NARF: variants seen among roughly 807,000 people sequenced by gnomAD.
NARF encodes nuclear prelamin A recognition factor.
A neutral mutation model predicts 48.0 loss-of-function variants in NARF; 41 were observed. That is an observed-to-expected ratio of 0.85 (90% CI 0.66 to 1.11). NARF has a LOEUF of 1.11. NARF is among the 50% of genes least tolerant of loss of function. NARF has a pLI of 0.00. For missense variants in NARF, 613 were observed against 590.2 expected (o/e 1.04, Z -0.40); for synonymous variants, 215 against 225.5 (o/e 0.95, Z 0.42).
chr17:82,465,582 A>T (rs555160537), intron 3 of NARF, among the ~76,000 whole-genome samples: 1 of 151,772 alleles, frequency 6.6e-6, no homozygotes, highest in South Asian at 2.1e-4. Flanking sequence ...AGATCACAAT[A>T]TTTTTCTTTG....
At chr17:82,459,123 A>G in intron 1 of NARF, 1 of 1,174,796 alleles carries the variant, frequency 8.5e-7, no homozygotes, top group Non-Finnish European at 1.1e-6. Flanking sequence ...CCACAGTCCG[A>G]GTAAACAGCG....
chr17:82,478,693 G>A (rs948710794), intron 5 of NARF, 107 bp from the exon 6 acceptor site: 11 of 1,154,174 alleles, frequency 9.5e-6, no homozygotes, highest in African/African-American at 7.6e-5. Context: ...AAGGTGTTCT[G>A]GCTTCACCCT....
chr17:82,459,118 G>C, intron 1 of NARF: 2 of 1,178,784 alleles, frequency 1.7e-6, no homozygotes, highest in Non-Finnish European at 2.1e-6. Flanking sequence ...GCGCACCACA[G>C]TCCGAGTAAA....
chr17:82,476,827 T>G (rs1207045740), intron 5 of NARF: 3 of 152,066 alleles, frequency 2.0e-5, no homozygotes, highest in African/African-American at 7.3e-5. Flanking sequence ...ACCTCCCAGG[T>G]TCAAGCCATT....
At chr17:82,487,487 A>AG (rs2044121520) in intron 10 of NARF, among the ~76,000 whole-genome samples, 1 of 149,064 alleles carries the variant, frequency 6.7e-6, no homozygotes. Context: ...CTGTCTCGAA[A>AG]AAAAAAAAAA....
chr17:82,463,581 C>T (rs935453983), intron 2 of NARF: 1 of 152,528 alleles, frequency 6.6e-6, no homozygotes, highest in African/African-American at 2.4e-5. Context: ...GTGTGGAGAC[C>T]AAGGGGGCTG....
At position 82,467,629 on chromosome 17, in the gene NARF, C is replaced by T. The variant is rs1164971279; in HGVS notation, c.253-1135C>T. 3.9e-5 allele frequency among the ~76,000 whole-genome samples: 6 copies of T among 152,196 alleles called. No individual in the cohort carries two copies. In the East Asian group the frequency reaches 9.7e-4, roughly 25 times the overall value. Reference sequence around the variant, plus strand: ...AAGCGATTCTTCTGCCTCAGCCTCCCGAGTAGCTGGGATTACAGGCACATG... The same window carrying T: ...AAGCGATTCTTCTGCCTCAGCCTCCTGAGTAGCTGGGATTACAGGCACATG... On this transcript the variant is annotated intron_variant, in intron 3 of 10. Transcript: ENST00000309794.
chr17:82,486,340 C>CGG (rs144086012), intron 10 of NARF, among the ~76,000 whole-genome samples: 3 of 151,472 alleles, frequency 2.0e-5, no homozygotes, highest in African/African-American at 7.3e-5. Flanking sequence ...CATTGTGAGT[C>CGG]GGGGGGGGCA....
At chr17:82,485,032 C>A in intron 9 of NARF, 82 bp downstream of exon 9, 1 of 1,445,918 alleles carries the variant, frequency 6.9e-7, no homozygotes, top group Non-Finnish European at 9.2e-7. Flanking sequence ...GTGCATGTGG[C>A]GGTTCTATGG....
In NARF at chr17:82,487,909, C is replaced by T. The variant is rs1464288199; in HGVS notation, c.1130-7C>T. ...CCAGGATAAACTTACCTGTGTTTAT[C>T]TTTCAGGATGCTTAAATGGCAGAGG... On this transcript the variant is annotated splice_polypyrimidine_tract_variant and splice_region_variant and intron_variant, in intron 10 of 10. Transcript: ENST00000309794. 3.1e-6 allele frequency: 5 copies of T among 1,614,054 alleles called. No individual in the cohort carries two copies. The highest frequency in any genetic ancestry group is 4.2e-6 in the Non-Finnish European group (5 of 1,179,942).
At chr17:82,480,951 A>AATT in intron 6 of NARF, 131 bp from the exon 7 acceptor site, 1 of 755,516 alleles carries the variant, frequency 1.3e-6, no homozygotes, top group Non-Finnish European at 2.0e-6. Flanking sequence ...AAAAAAAAAG[A>AATT]GTGCAGCATG....
chr17:82,458,242 G>T (rs2143798120), upstream of NARF: 1 of 152,752 alleles, frequency 6.5e-6, no homozygotes, highest in East Asian at 1.9e-4. Flanking sequence ...GACGAGGGCT[G>T]TGCCCCCGGC....
Position 82,488,933 on chromosome 17 carries a change from G to A in NARF, c.*776G>A, listed in dbSNP as rs1321937706. 1 of 152,202 alleles carries A rather than the reference G, an allele frequency of 6.6e-6. No individual in the cohort carries two copies. Among genetic ancestry groups the A allele is most frequent in the Admixed American group, 6.6e-5 (1 of 15,260 alleles). The allele number at this position is 152,202 out of a possible 1,614,324, so 9.4% of individuals were successfully genotyped here. On this transcript the variant is annotated 3_prime_UTR_variant, in exon 11 of 11. Transcript: ENST00000309794. ...ACTCCTGTGGCCCTGGGGTTGTTAG[G>A]GCAGGCAGTCCACAGTCCCAGATCC... is the stretch of plus-strand genomic sequence containing the variant.
At chr17:82,478,977 G>A (rs2043898909) in intron 6 of NARF, 59 bp downstream of exon 6, 6 of 1,505,606 alleles carry the variant, frequency 4.0e-6, no homozygotes, top group Non-Finnish European at 5.5e-6. Flanking sequence ...TGGCACAGGG[G>A]CCCAGGAAGG....
At position 82,478,910 on chromosome 17, in the gene NARF, A is replaced by G; in HGVS notation, c.631A>G (p.Arg211Gly). ...CTCTTTGGTGAAGGATTATTTCGCC[A>G]GACAGCAGGTAAGCTGACCTCTCTG... Reference protein sequence around the residue: ...MGSLVKDYFARQQNLSPEKIF... With the variant: ...MGSLVKDYFAGQQNLSPEKIF... Residue 211 changes from arginine (R) to glycine (G), a missense_variant, in exon 6 of 11, where the codon AGA (arginine) becomes GGA (glycine). Transcript: ENST00000309794. The G allele has an allele frequency of 6.2e-7, 1 of 1,613,638 alleles. No homozygotes were observed. Among genetic ancestry groups the G allele is most frequent in the Non-Finnish European group, 8.5e-7 (1 of 1,179,794 alleles).
At chr17:82,459,315 T>C in intron 1 of NARF, 2 of 398,372 alleles carry the variant, frequency 5.0e-6, no homozygotes, top group Non-Finnish European at 6.8e-6. Context: ...GGGGGTTTTG[T>C]AGCTGTTATT....
At chr17:82,482,571 A>G (rs1292479142) in intron 7 of NARF, 1 of 153,308 alleles carries the variant, frequency 6.5e-6, no homozygotes, top group Admixed American at 6.5e-5. Context: ...TTAGAGGCTC[A>G]GTTTTTCTAT....
At chr17:82,459,184 G>A in intron 1 of NARF, 1 of 1,075,274 alleles carries the variant, frequency 9.3e-7, no homozygotes. Context: ...AGGCGTTTTC[G>A]AACCTGCCCC....
intron 10 of NARF, among the ~76,000 whole-genome samples, chr17:82,486,058 G>A (rs1196026522): frequency 1.3e-5 from 2 of 152,176 alleles, no homozygotes; most frequent in Non-Finnish European, 2.9e-5. Context: ...AGTGAGAGGT[G>A]GAAGCGGGAA....
Sources: allele counts gnomAD v4.1 joint callset (sites outside exome capture counted in the v4.1 genomes callset), GRCh38; gene constraint gnomAD v4.1.1; transcripts MANE v1.5; gene names NCBI Gene and HGNC (gene_info 2026-07-23, HGNC 2026-07-21).